The following SLC22A3 variants were observed in gnomAD, a reference collection of about 807,000 sequenced individuals.
SLC22A3 encodes solute carrier family 22 member 3.
In SLC22A3, 51 loss-of-function variants were observed where a neutral mutation model predicts 59.1. The observed-to-expected ratio is 0.86, with a 90% confidence interval of 0.69 to 1.09. The LOEUF (loss-of-function observed/expected upper bound fraction) is 1.09, where lower values mean the gene tolerates loss of function less well. Among genes scored for constraint, SLC22A3 ranks in the 50% least tolerant of loss-of-function variants. The pLI is 0.00. For synonymous variants in SLC22A3, 325 were observed against 292.0 expected (o/e 1.11, Z -1.15); for missense variants, 711 against 726.3 (o/e 0.98, Z 0.24).
At chr6:160,447,894 A>G (rs1788806304) in intron 10 of SLC22A3, 76 bp downstream of exon 10, 1 of 1,107,436 alleles carries the variant, frequency 9.0e-7, no homozygotes, top group African/African-American at 1.5e-5. Context: ...CATTGAGAAA[A>G]TTGAATATCC....
In SLC22A3 at chr6:160,407,077, T is replaced by C. The variant is rs754256068; in HGVS notation, c.570T>C (p.Leu190=). The change falls in exon 3 of 11, where the codon CTT becomes CTC. Residue 190 remains leucine, a synonymous_variant. Coordinates refer to ENST00000275300, the MANE Select transcript of SLC22A3 (RefSeq NM_021977.4). The part of the protein sequence containing the change: ...GRIVIYLLSC[L]GVGVTGVVVA... ...TCGTCATTTACTTGCTATCCTGCCT[T>C]GGTGTTGGCGTCACTGGGGTTGTGG... 1.5e-5 allele frequency: 25 copies of C among 1,613,168 alleles called. No individual in the cohort carries two copies. Among genetic ancestry groups the C allele is most frequent in the Non-Finnish European group, 1.9e-5 (23 of 1,179,528 alleles).
At position 160,407,607 on chromosome 6, in the gene SLC22A3, A is replaced by G. The variant is rs565793805; in HGVS notation, c.688+412A>G. Among the ~76,000 whole-genome samples the G allele has an allele frequency of 8.5e-5, 13 of 152,110 alleles. No individual in the cohort carries two copies. In the South Asian group the frequency reaches 2.7e-3, roughly 32 times the overall value. On this transcript the variant is annotated intron_variant, in intron 3 of 10. Coordinates refer to ENST00000275300, the MANE Select transcript of SLC22A3 (RefSeq NM_021977.4). ...TTGAGATTACTTTCCTGTGTTGCCAACTCTCCTCTTTCTGTACAAGTGGGA... is the reference window on the plus strand; with the variant it reads ...TTGAGATTACTTTCCTGTGTTGCCAGCTCTCCTCTTTCTGTACAAGTGGGA...
chr6:160,351,606 G>A (rs935850642), intron 1 of SLC22A3, among the ~76,000 whole-genome samples: 2 of 152,182 alleles, frequency 1.3e-5, no homozygotes, highest in Non-Finnish European at 2.9e-5. Flanking sequence ...TCTGTCTGAT[G>A]AAAGGAACTG....
chr6:160,427,692 G>T (rs1289497507), intron 5 of SLC22A3, among the ~76,000 whole-genome samples: 1 of 152,166 alleles, frequency 6.6e-6, no homozygotes, highest in Non-Finnish European at 1.5e-5. Context: ...GTGTAGTTTT[G>T]ATTTTTACTT....
At chr6:160,374,441 G>T in intron 1 of SLC22A3, among the ~76,000 whole-genome samples, 1 of 151,936 alleles carries the variant, frequency 6.6e-6, no homozygotes, top group Non-Finnish European at 1.5e-5. Context: ...GACCAGAGCT[G>T]TTCCTATTCA....
intron 1 of SLC22A3, among the ~76,000 whole-genome samples, chr6:160,374,214 G>T (rs1785507223): frequency 1.3e-5 from 2 of 152,174 alleles, no homozygotes; most frequent in Admixed American, 1.3e-4. Flanking sequence ...CAGAATGCAT[G>T]GTTCCTCACA....
In SLC22A3 at chr6:160,418,755, A is replaced by G. The variant is rs1787610459; in HGVS notation, c.975+7909A>G. The stretch of plus-strand genomic sequence containing the variant: ...AACTGCCCATTCCTCCCGTTTTTGT[A>G]TGGGATATACTCATAGAGAATAGTA... On this transcript the variant is annotated intron_variant, in intron 5 of 10. Coordinates refer to ENST00000275300, the MANE Select transcript of SLC22A3 (RefSeq NM_021977.4). Among the ~76,000 whole-genome samples the G allele has an allele frequency of 2.6e-5, 4 of 152,220 alleles. No individual in the cohort carries two copies. In the South Asian group the frequency reaches 6.2e-4, roughly 24 times the overall value.
At chr6:160,443,985 T>A (rs1248630831) in intron 9 of SLC22A3, among the ~76,000 whole-genome samples, 1 of 152,244 alleles carries the variant, frequency 6.6e-6, no homozygotes, top group Non-Finnish European at 1.5e-5. Context: ...TGATAAATAA[T>A]GTTCAATTAG....
intron 1 of SLC22A3, among the ~76,000 whole-genome samples, chr6:160,397,697 A>G (rs1006949052): frequency 6.7e-5 from 10 of 149,680 alleles, no homozygotes; most frequent in Admixed American, 2.0e-4. Flanking sequence ...TTGCTCCACT[A>G]CACTTCAGTC....
chr6:160,449,991 CAA>C (rs1788889195), intron 10 of SLC22A3, among the ~76,000 whole-genome samples: 1 of 152,118 alleles, frequency 6.6e-6, no homozygotes, highest in Non-Finnish European at 1.5e-5. Context: ...CATCACAAGA[CAA>C]AGAGCAAAAG....
At chr6:160,371,836 CTGT>C (rs1785409106) in intron 1 of SLC22A3, among the ~76,000 whole-genome samples, 1 of 152,172 alleles carries the variant, frequency 6.6e-6, no homozygotes, top group Non-Finnish European at 1.5e-5. Flanking sequence ...TCTCCAGCAT[CTGT>C]TGTTTCCTGC....
rs779190976 is a variant in SLC22A3 at position 160,416,060 on chromosome 6, T to G, written c.975+5214T>G. Among the ~76,000 whole-genome samples, 52 of 152,288 alleles carry G rather than the reference T, an allele frequency of 3.4e-4. No homozygotes were observed. The Middle Eastern group carries it at 0.01, about 30-fold the overall frequency. On this transcript the variant is annotated intron_variant, in intron 5 of 10. Transcript: ENST00000275300. ...ATCCTGTAAATCATCTCAGTTACAG[T>G]TCACATGGATGTTACTCATTTCATG...
intron 5 of SLC22A3, chr6:160,426,162 G>A: frequency 1.0e-6 from 1 of 985,400 alleles, no homozygotes; most frequent in South Asian, 4.7e-5. Flanking sequence ...AAACTCTTCA[G>A]CTATACCTGA....
chr6:160,384,512 G>T (rs192410839), intron 1 of SLC22A3, among the ~76,000 whole-genome samples: 2 of 152,160 alleles, frequency 1.3e-5, no homozygotes, highest in Non-Finnish European at 2.9e-5. Context: ...GAGCATTCAG[G>T]GAGGGGCAAC....
At chr6:160,428,867 C>T (rs111555861) in intron 5 of SLC22A3, among the ~76,000 whole-genome samples, 1 of 152,134 alleles carries the variant, frequency 6.6e-6, no homozygotes, top group Non-Finnish European at 1.5e-5. Flanking sequence ...CAAAAATTGC[C>T]GAAGTACTAC....
chr6:160,396,404 G>T (rs536522821), intron 1 of SLC22A3, among the ~76,000 whole-genome samples: 15 of 152,170 alleles, frequency 9.9e-5, no homozygotes, highest in African/African-American at 3.4e-4. Context: ...TACATGACAT[G>T]CTGGCTAATA....
At chr6:160,417,935 C>A (rs1316270462) in intron 5 of SLC22A3, among the ~76,000 whole-genome samples, 1 of 152,214 alleles carries the variant, frequency 6.6e-6, no homozygotes, top group African/African-American at 2.4e-5. Flanking sequence ...CCCCAGCCAG[C>A]CCACAAACAC....
intron 1 of SLC22A3, among the ~76,000 whole-genome samples, chr6:160,372,788 C>T (rs986206768): frequency 5.3e-5 from 8 of 151,972 alleles, no homozygotes; most frequent in South Asian, 2.1e-4. Context: ...TTGATTGATT[C>T]GGCTATTGAT....
At chr6:160,425,496 C>T (rs1787916704) in intron 5 of SLC22A3, among the ~76,000 whole-genome samples, 1 of 152,020 alleles carries the variant, frequency 6.6e-6, no homozygotes, top group South Asian at 2.1e-4. Flanking sequence ...TTCTCTAATC[C>T]TCTATAATTG....
Sources: gnomAD v4.1 joint callset for allele counts (sites outside exome capture counted in the v4.1 genomes callset) on GRCh38, gnomAD v4.1.1 for gene constraint, MANE v1.5 for transcripts, NCBI Gene and HGNC (gene_info 2026-07-23, HGNC 2026-07-21) for gene names.